The following CLGN variants were observed in gnomAD, a reference collection of about 807,000 sequenced individuals.
CLGN encodes testis tissue sperm-binding protein Li 79P.
CLGN carries 62 observed loss-of-function variants against 79.1 expected under a neutral mutation model. The observed-to-expected ratio is 0.78, with a 90% CI of 0.64 to 0.97. The LOEUF (loss-of-function observed/expected upper bound fraction) is 0.97, where lower values mean the gene tolerates loss of function less well. Ranked by LOEUF, CLGN falls within the 50% of genes least tolerant of loss-of-function variation. The pLI is 0.00. For synonymous variants in CLGN, 225 were observed against 224.7 expected, an observed-to-expected ratio of 1.00 and a Z score of -0.01; for missense variants, 647 against 715.5, an observed-to-expected ratio of 0.90 and a Z score of 1.09.
At chr4:140,405,149 T>A (rs1729075656) in intron 5 of CLGN, among the ~76,000 whole-genome samples, 1 of 151,634 alleles carries the variant, frequency 6.6e-6, no homozygotes, top group African/African-American at 2.4e-5. Context: ...TTGTTTAATA[T>A]TTTGATAACA....
intron 8 of CLGN, among the ~76,000 whole-genome samples, chr4:140,396,862 C>G (rs1350764869): frequency 1.8e-4 from 17 of 94,232 alleles, no homozygotes; most frequent in African/African-American, 5.7e-4. Context: ...CTGGCTGGAG[C>G]ATATATATAT....
chr4:140,397,348 A>AT (rs1477524772), intron 8 of CLGN, among the ~76,000 whole-genome samples: 2 of 151,550 alleles, frequency 1.3e-5, no homozygotes, highest in Admixed American at 1.3e-4. Flanking sequence ...CACAAAAACT[A>AT]TTTTTTCTTA....
intron 1 of CLGN, among the ~76,000 whole-genome samples, chr4:140,419,015 A>C (rs1486667284): frequency 1.3e-5 from 2 of 152,222 alleles, no homozygotes; most frequent in African/African-American, 4.8e-5. Context: ...ATGGAATACT[A>C]TGCAGCCATA....
At chr4:140,405,164 A>ATTTTTTTTTTTTTTTTT (rs33924118) in intron 5 of CLGN, among the ~76,000 whole-genome samples, 3 of 85,312 alleles carry the variant, frequency 3.5e-5, no homozygotes, top group Admixed American at 1.1e-4. Flanking sequence ...ATAACAAGTA[A>ATTTTTTTTTTTTTTTTT]TTTTTTTTAT....
At chr4:140,399,378 T>C (rs1287951425) in intron 7 of CLGN, among the ~76,000 whole-genome samples, 1 of 152,114 alleles carries the variant, frequency 6.6e-6, no homozygotes, top group African/African-American at 2.4e-5. Context: ...AGCATTTAAT[T>C]TTTTTGATAC....
At chr4:140,398,669 A>T (rs1417284218) in intron 8 of CLGN, among the ~76,000 whole-genome samples, 182 bp downstream of exon 8, 4 of 150,768 alleles carry the variant, frequency 2.7e-5, no homozygotes, top group Non-Finnish European at 4.4e-5. Flanking sequence ...CAATAGAAAT[A>T]AAAAAAAATT....
Position 140,389,281 on chromosome 4 carries a change from T to C in CLGN, c.1776A>G (p.Thr592=), listed in dbSNP as rs1728731020. The C allele has an allele frequency of 6.2e-7, 1 of 1,612,412 alleles. No individual in the cohort carries two copies. The highest frequency in any genetic ancestry group is 8.5e-7 in the Non-Finnish European group (1 of 1,178,850). The change falls in exon 15 of 15, where the codon ACA becomes ACG. Residue 592 remains threonine (T), a synonymous_variant. Transcript: ENST00000325617. ...ACTTTATCGGCCCATCTCCAGATCC[T>C]GTGCTCTCATCTGCTTCTTTCATCT... is the stretch of plus-strand genomic sequence containing the variant. ...EDEMKEADES[T]GSGDGPIKSV...
intron 7 of CLGN, among the ~76,000 whole-genome samples, chr4:140,399,517 T>A (rs781549399): frequency 6.6e-5 from 10 of 152,348 alleles, no homozygotes; most frequent in Non-Finnish European, 1.2e-4. Flanking sequence ...CATAAAGATA[T>A]TTATTATATC....
At chr4:140,403,549 G>A (rs573096319) in intron 5 of CLGN, among the ~76,000 whole-genome samples, 3 of 152,242 alleles carry the variant, frequency 2.0e-5, no homozygotes, top group African/African-American at 7.2e-5. Context: ...TGCATGATAT[G>A]ACTTAAAGGT....
At chr4:140,392,523 A>G in intron 12 of CLGN, 63 bp downstream of exon 12, 1 of 1,529,336 alleles carries the variant, frequency 6.5e-7, no homozygotes, top group African/African-American at 1.4e-5. Flanking sequence ...CGCTTAATTT[A>G]TAGAACTCTT....
At chr4:140,421,854 A>T (rs1240126817) in intron 1 of CLGN, among the ~76,000 whole-genome samples, 1 of 152,060 alleles carries the variant, frequency 6.6e-6, no homozygotes, top group African/African-American at 2.4e-5. Flanking sequence ...TCATATAAAA[A>T]TTACTGGCAA....
chr4:140,409,536 C>T (rs558241491), intron 4 of CLGN, among the ~76,000 whole-genome samples: 20 of 151,818 alleles, frequency 1.3e-4, no homozygotes, highest in African/African-American at 4.6e-4. Flanking sequence ...TGAGATGAAA[C>T]CATAGAGACA....
chr4:140,422,233 C>T (rs1053584159), intron 1 of CLGN, among the ~76,000 whole-genome samples: 1 of 152,084 alleles, frequency 6.6e-6, no homozygotes, highest in Non-Finnish European at 1.5e-5. Context: ...CTTATTCTTT[C>T]CCAAGATTGT....
intron 10 of CLGN, 70 bp from the exon 11 acceptor site, chr4:140,394,111 C>A (rs186160583): frequency 7.3e-6 from 8 of 1,097,924 alleles, no homozygotes; most frequent in Non-Finnish European, 1.1e-5. Flanking sequence ...TAATAAGTAG[C>A]TGCTGTTGAA....
intron 1 of CLGN, among the ~76,000 whole-genome samples, chr4:140,420,877 T>G (rs1729456924): frequency 6.6e-6 from 1 of 152,146 alleles, no homozygotes; most frequent in Non-Finnish European, 1.5e-5. Context: ...TGGTAAAACA[T>G]TCTCATTGTT....
chr4:140,406,414 C>G (rs1275313203), intron 4 of CLGN, among the ~76,000 whole-genome samples: 2 of 152,068 alleles, frequency 1.3e-5, no homozygotes, highest in African/African-American at 4.8e-5. Flanking sequence ...TGGTTTGTCT[C>G]AATAGGGTAT....
chr4:140,425,430 G>GTA (rs1729546221), intron 1 of CLGN, among the ~76,000 whole-genome samples: 1 of 9,318 alleles, frequency 1.1e-4, no homozygotes, highest in South Asian at 8.5e-3. Flanking sequence ...AATCAATAGG[G>GTA]TGTGTGTGTG....
chr4:140,392,550 G>T, intron 12 of CLGN, 36 bp downstream of exon 12: 1 of 1,562,338 alleles, frequency 6.4e-7, no homozygotes, highest in South Asian at 1.2e-5. Context: ...CAAGAAATTT[G>T]GGTGAAAAAA....
intron 11 of CLGN, 28 bp downstream of exon 11, chr4:140,393,798 T>C: frequency 6.3e-7 from 1 of 1,586,316 alleles, no homozygotes; most frequent in Non-Finnish European, 8.6e-7. Context: ...CATAGTTATA[T>C]CACTACTGCT....
Sources: gnomAD v4.1 joint callset for allele counts (sites outside exome capture counted in the v4.1 genomes callset) on GRCh38, gnomAD v4.1.1 for gene constraint, MANE v1.5 for transcripts, NCBI Gene and HGNC (gene_info 2026-07-23, HGNC 2026-07-21) for gene names.